Variants in GHR observed in about 807,000 individuals in gnomAD.
The protein encoded by GHR is growth hormone receptor.
Under a neutral mutation model 67.1 loss-of-function variants are expected in GHR, and 35 were observed. That is an observed-to-expected ratio of 0.52 (90% CI 0.40 to 0.69). The LOEUF (loss-of-function observed/expected upper bound fraction) is 0.69. Among genes scored for constraint, GHR ranks in the 30% least tolerant of loss-of-function variants. GHR has a pLI of 0.00. For synonymous variants in GHR, 272 were observed against 269.1 expected (o/e 1.01, Z -0.10); for missense variants, 792 against 764.6 (o/e 1.04, Z -0.42).
chr5:42,633,904 T>C (rs1275903344), intron 3 of GHR, among the ~76,000 whole-genome samples: 3 of 152,220 alleles, frequency 2.0e-5, no homozygotes, highest in Non-Finnish European at 2.9e-5. Flanking sequence ...TTTTGTCCTG[T>C]GAGCCATATT....
At chr5:42,689,042 A>T (rs753642690) in intron 4 of GHR, 23 bp downstream of exon 4, 9 of 1,607,742 alleles carry the variant, frequency 5.6e-6, no homozygotes, top group African/African-American at 5.4e-5. Flanking sequence ...TGCCTTTCTG[A>T]TTTTCCTCTC....
chr5:42,467,946 T>C (rs1744809805), intron 1 of GHR: 3 of 723,406 alleles, frequency 4.1e-6, no homozygotes, highest in Non-Finnish European at 7.3e-6. Flanking sequence ...ATGACTTATC[T>C]GAAATCTTTC....
chr5:42,671,955 CA>C (rs33965774), intron 3 of GHR, among the ~76,000 whole-genome samples: 53 of 111,162 alleles, frequency 4.8e-4, no homozygotes, highest in African/African-American at 7.8e-4. Context: ...GACTCCGTCT[CA>C]AAAAAAAAAA....
chr5:42,431,354 G>T (rs1365024605), intron 1 of GHR, among the ~76,000 whole-genome samples: 1 of 152,010 alleles, frequency 6.6e-6, no homozygotes, highest in East Asian at 1.9e-4. Context: ...ATGAGTACCA[G>T]GTTCTTCAAA....
At chr5:42,616,717 T>G (rs1753173181) in intron 2 of GHR, among the ~76,000 whole-genome samples, 1 of 149,960 alleles carries the variant, frequency 6.7e-6, no homozygotes, top group African/African-American at 2.4e-5. Context: ...GGAAGAGTTT[T>G]GTAACAGGAC....
intron 2 of GHR, among the ~76,000 whole-genome samples, chr5:42,619,111 A>G (rs1340219705): frequency 6.6e-6 from 1 of 152,104 alleles, no homozygotes. Context: ...ATTCCCAACT[A>G]TGACAATAAA....
chr5:42,523,367 G>A (rs967067751), intron 1 of GHR, among the ~76,000 whole-genome samples: 1 of 152,100 alleles, frequency 6.6e-6, no homozygotes, highest in South Asian at 2.1e-4. Context: ...ACCCTGTAAC[G>A]AGCAAGTCTT....
rs77870804 is a variant in GHR, at chr5:42,514,188, C to T, written c.-11-51676C>T. On this transcript the variant is annotated intron_variant, in intron 1 of 9. Coordinates refer to ENST00000230882, the MANE Select transcript of GHR (RefSeq NM_000163.5). ...TCTTACAAGTAATTTTTGGATTCTG[C>T]ATTGACTACCTACAAGTGCCTTCTG... 1,377 of 985,022 alleles carry T rather than the reference C, an allele frequency of 1.4e-3. 19 individuals carry two copies. In the African/African-American group the frequency reaches 0.022, roughly 16 times the overall value. The allele number at this position is 985,022 out of a possible 1,614,324, so 61.0% of individuals were successfully genotyped here.
In GHR at chr5:42,423,799, C is replaced by T; in HGVS notation, c.-168C>T. The T allele has an allele frequency of 6.1e-6, 1 of 164,818 alleles. No individual in the cohort carries two copies. The highest frequency in any genetic ancestry group is 1.3e-5 in the Non-Finnish European group (1 of 78,118). 10.2% of individuals were successfully genotyped at this position (164,818 alleles called of 1,614,324 possible). On this transcript the variant is annotated 5_prime_UTR_variant, in exon 1 of 10. Coordinates refer to ENST00000230882, the MANE Select transcript of GHR (RefSeq NM_000163.5). ...GCGGCGGCGGCGGCGGCAGCGGCAG[C>T]AGCAGCTGCTACAGTGGCGGTGGCG...
intron 2 of GHR, among the ~76,000 whole-genome samples, chr5:42,610,910 A>C (rs925699577): frequency 6.6e-6 from 1 of 152,146 alleles, no homozygotes; most frequent in African/African-American, 2.4e-5. Flanking sequence ...ATTTCAGAGC[A>C]TAGCAGCTGA....
At chr5:42,520,125 A>G (rs1315665001) in intron 1 of GHR, among the ~76,000 whole-genome samples, 1 of 152,184 alleles carries the variant, frequency 6.6e-6, no homozygotes, top group Admixed American at 6.5e-5. Flanking sequence ...GCTAAAGGCA[A>G]TCCCAGGGAA....
In GHR at chr5:42,424,348, A is replaced by C. The variant is rs1478917718; in HGVS notation, c.-12+393A>C. On this transcript the variant is annotated intron_variant, in intron 1 of 9. Coordinates refer to ENST00000230882, the MANE Select transcript of GHR (RefSeq NM_000163.5). This position sits in a 1 kb window ranked among gnomAD's most constrained non-coding sequence, Gnocchi z 4.1. The stretch of plus-strand genomic sequence containing the variant: ...CGGAGACAGTTTTGTTAAAGTCATA[A>C]AAGTTTTGCTAGTGTGTTTCTGTTT... The C allele has an allele frequency of 1.0e-5, 6 of 586,778 alleles. No homozygotes were observed. The East Asian group carries it at 1.7e-4, about 16-fold the overall frequency. 36.3% of individuals were successfully genotyped at this position (586,778 alleles called of 1,614,324 possible).
intron 1 of GHR, among the ~76,000 whole-genome samples, chr5:42,473,489 TGGC>T (rs1745097277): frequency 1.3e-5 from 2 of 152,242 alleles, no homozygotes; most frequent in Non-Finnish European, 2.9e-5. Context: ...GGTGAATTCA[TGGC>T]AGTGAACACT....
intron 1 of GHR, among the ~76,000 whole-genome samples, chr5:42,535,577 A>C (rs968960795): frequency 1.3e-5 from 2 of 152,106 alleles, no homozygotes; most frequent in African/African-American, 4.8e-5. Context: ...TATAGTTTGA[A>C]ATCAGGCAGT....
chr5:42,475,168 G>A (rs963393909), intron 1 of GHR, among the ~76,000 whole-genome samples: 6 of 151,916 alleles, frequency 3.9e-5, no homozygotes, highest in South Asian at 2.1e-4. Flanking sequence ...GTGAGCCACC[G>A]CGCCCAGCCT....
intron 1 of GHR, among the ~76,000 whole-genome samples, chr5:42,512,185 C>G (rs571814585): frequency 1.3e-5 from 2 of 152,056 alleles, no homozygotes; most frequent in East Asian, 3.9e-4. Context: ...AATGAACTCC[C>G]TCTGGTGCTG....
chr5:42,658,226 G>A (rs1014649850), intron 3 of GHR, among the ~76,000 whole-genome samples: 4 of 152,106 alleles, frequency 2.6e-5, no homozygotes, highest in African/African-American at 9.7e-5. Flanking sequence ...ACCATAAAAA[G>A]AAAATCCAAA....
At chr5:42,627,520 A>T (rs1753762773) in intron 2 of GHR, among the ~76,000 whole-genome samples, 1 of 152,260 alleles carries the variant, frequency 6.6e-6, no homozygotes, top group Non-Finnish European at 1.5e-5. Flanking sequence ...AAAATATTTT[A>T]AAGAGATTTA....
intron 1 of GHR, among the ~76,000 whole-genome samples, chr5:42,484,739 A>T (rs1745803875): frequency 6.6e-6 from 1 of 152,214 alleles, no homozygotes; most frequent in Admixed American, 6.5e-5. Context: ...GAGAATAAAA[A>T]GCTCACCCAC....
Sources: allele counts gnomAD v4.1 joint callset (sites outside exome capture counted in the v4.1 genomes callset), GRCh38; gene constraint gnomAD v4.1.1; non-coding constraint Gnocchi (gnomAD v3.1); transcripts MANE v1.5; gene names NCBI Gene and HGNC (gene_info 2026-07-23, HGNC 2026-07-21).